Variants in OPA1 observed in about 807,000 individuals in gnomAD.
The protein encoded by OPA1 is dynamin-like GTPase OPA1, mitochondrial.
A neutral mutation model predicts 152.9 loss-of-function variants in OPA1; 59 were observed. That is an observed-to-expected ratio of 0.39 (90% CI 0.31 to 0.48). OPA1 has a LOEUF of 0.48. Ranked by LOEUF, OPA1 falls within the 20% of genes least tolerant of loss-of-function variation. OPA1 has a pLI of 0.96. For missense variants in OPA1, 1,008 were observed against 1,216.8 expected, an observed-to-expected ratio of 0.83 and a Z score of 2.55; for synonymous variants, 400 against 389.9, an observed-to-expected ratio of 1.03 and a Z score of -0.31.
chr3:193,633,427 C>A (rs962607647), intron 8 of OPA1, among the ~76,000 whole-genome samples: 7 of 152,120 alleles, frequency 4.6e-5, no homozygotes, highest in Admixed American at 2.0e-4. Flanking sequence ...ATGTAGACCC[C>A]AAAATTGATT....
chr3:193,672,641 G>A (rs1718182953), intron 29 of OPA1, among the ~76,000 whole-genome samples: 1 of 152,058 alleles, frequency 6.6e-6, no homozygotes, highest in African/African-American at 2.4e-5. Flanking sequence ...GGCCGAGGCG[G>A]GTGGATCACC....
intron 26 of OPA1, 59 bp downstream of exon 26, chr3:193,663,021 A>C: frequency 1.3e-6 from 2 of 1,547,936 alleles, no homozygotes; most frequent in Non-Finnish European, 1.8e-6. Context: ...TCTTGCAGTA[A>C]ATGTTACTAC....
intron 21 of OPA1, among the ~76,000 whole-genome samples, chr3:193,652,560 TTAAC>T (rs1268437721): frequency 6.6e-6 from 1 of 152,152 alleles, no homozygotes; most frequent in African/African-American, 2.4e-5. Flanking sequence ...TGAGGAGGAC[TTAAC>T]TTCTACTTTC....
chr3:193,611,270 C>T (rs189812952), intron 1 of OPA1, among the ~76,000 whole-genome samples: 774 of 152,266 alleles, frequency 5.1e-3, no homozygotes, highest in Admixed American at 0.01. Context: ...GCTTATTAGC[C>T]TTTTGAGGTT....
chr3:193,675,377 G>T (rs992274776), intron 29 of OPA1, among the ~76,000 whole-genome samples: 4 of 151,118 alleles, frequency 2.6e-5, no homozygotes, highest in Admixed American at 2.6e-4. Flanking sequence ...ATAGAGCAGG[G>T]TGTCCCGAAG....
At chr3:193,667,311 T>C in intron 29 of OPA1, 31 bp downstream of exon 29, 1 of 955,808 alleles carries the variant, frequency 1.0e-6, no homozygotes. Flanking sequence ...TCTACCTTAC[T>C]ACCTTTCCAC....
rs1717629208 is a variant in OPA1 at position 193,670,353 on chromosome 3, A to G, written c.2983+3073A>G. On this transcript the variant is annotated intron_variant, in intron 29 of 30. Coordinates refer to ENST00000361510, the MANE Select transcript of OPA1 (RefSeq NM_130837.3). ...GCCAGTTTTAAGCTTGTACGATTTT[A>G]AATCATTTCCTTACCTTGGAGACTT... 2.6e-5 allele frequency among the ~76,000 whole-genome samples: 4 copies of G among 151,208 alleles called. No individual in the cohort carries two copies. In the South Asian group the frequency reaches 8.3e-4, roughly 32 times the overall value.
chr3:193,645,347 C>T (rs562234206), intron 16 of OPA1, among the ~76,000 whole-genome samples: 4 of 152,172 alleles, frequency 2.6e-5, no homozygotes, highest in East Asian at 1.9e-4. Flanking sequence ...GTTTTCGATA[C>T]GTGTGTTTTA....
At chr3:193,666,213 T>G in intron 27 of OPA1, 83 bp from the exon 28 acceptor site, 1 of 1,129,090 alleles carries the variant, frequency 8.9e-7, no homozygotes, top group South Asian at 1.2e-5. Context: ...ACATATCTAC[T>G]GGTTCTAGTA....
intron 13 of OPA1, 115 bp from the exon 14 acceptor site, chr3:193,643,258 C>T (rs1347532181): frequency 2.6e-5 from 23 of 899,584 alleles, no homozygotes; most frequent in Non-Finnish European, 3.6e-5. Context: ...TTTTTGTGAG[C>T]GTCTTATCTG....
At chr3:193,657,027 A>ACCATT in intron 22 of OPA1, 53 bp from the exon 23 acceptor site, 1 of 1,458,102 alleles carries the variant, frequency 6.9e-7, no homozygotes, top group Non-Finnish European at 9.4e-7. Context: ...TTTCATGTTA[A>ACCATT]CCATTGAAGT....
rs181386586 is a variant in OPA1, at chr3:193,693,183, C to T, written c.*5+1051C>T. 4.0e-3 allele frequency among the ~76,000 whole-genome samples: 603 copies of T among 152,302 alleles called. 4 individuals are homozygous for T. The highest frequency in any genetic ancestry group is 0.014 in the African/African-American group (571 of 41,562). On this transcript the variant is annotated intron_variant, in intron 30 of 30. Transcript: ENST00000361510. ...AGAAAAGGCTCTTAAACCAAACTACCTACTTTCCTGTCAGGAAAATGTATT... is the reference window on the plus strand; with the variant it reads ...AGAAAAGGCTCTTAAACCAAACTACTTACTTTCCTGTCAGGAAAATGTATT...
intron 25 of OPA1, among the ~76,000 whole-genome samples, chr3:193,660,883 A>C (rs748124915): frequency 2.6e-5 from 4 of 152,226 alleles, no homozygotes; most frequent in Non-Finnish European, 5.9e-5. Flanking sequence ...GATCCATCCA[A>C]GGTTTCTGAC....
At chr3:193,620,251 T>A (rs1303499337) in intron 6 of OPA1, among the ~76,000 whole-genome samples, 1 of 152,150 alleles carries the variant, frequency 6.6e-6, no homozygotes, top group Non-Finnish European at 1.5e-5. Context: ...TTTGCCAGAT[T>A]GGTTAGGAGA....
intron 21 of OPA1, 67 bp from the exon 22 acceptor site, chr3:193,654,795 C>A: frequency 6.7e-7 from 1 of 1,484,044 alleles, no homozygotes; most frequent in Middle Eastern, 1.7e-4. Flanking sequence ...AATGATACTT[C>A]AGTCAAGCTG....
At chr3:193,622,338 C>G (rs956148894) in intron 6 of OPA1, among the ~76,000 whole-genome samples, 95 of 146,602 alleles carry the variant, frequency 6.5e-4, no homozygotes, top group African/African-American at 2.3e-3. Context: ...AAGCGATTCT[C>G]CTGCCTCAGC....
intron 28 of OPA1, 90 bp downstream of exon 28, chr3:193,666,479 C>A: frequency 9.5e-7 from 1 of 1,055,022 alleles, no homozygotes; most frequent in Non-Finnish European, 1.5e-6. Context: ...CAAAATACTT[C>A]CCAAAAGTAG....
rs966026325 is a variant in OPA1, at chr3:193,696,163, G to T, written c.*1563G>T. On this transcript the variant is annotated 3_prime_UTR_variant, in exon 31 of 31. Transcript: ENST00000361510. ...AACCAGTGCTTACAGGTTAATGCAT[G>T]TTAATGAATATTTTTGCAGTTGTAA... 1 of 152,180 alleles carries T rather than the reference G, an allele frequency of 6.6e-6. No individual in the cohort carries two copies. Among genetic ancestry groups the T allele is most frequent in the Non-Finnish European group, 1.5e-5 (1 of 68,020 alleles). 9.4% of individuals were successfully genotyped at this position (152,180 alleles called of 1,614,324 possible). A position where few individuals can be genotyped will look rare whatever the true frequency, so the allele number is the denominator to read the frequency against.
chr3:193,667,328 C>A, intron 29 of OPA1, 48 bp downstream of exon 29: 1 of 901,374 alleles, frequency 1.1e-6, no homozygotes, highest in South Asian at 1.3e-5. Flanking sequence ...CCACCTTTCC[C>A]ATTTCCATTT....
Sources: allele counts gnomAD v4.1 joint callset (sites outside exome capture counted in the v4.1 genomes callset), GRCh38; gene constraint gnomAD v4.1.1; transcripts MANE v1.5; gene names NCBI Gene and HGNC (gene_info 2026-07-23, HGNC 2026-07-21).